The following SCHIP1 variants were observed in gnomAD, a reference collection of about 807,000 sequenced individuals.
SCHIP1 encodes schwannomin interacting protein 1, also known as schwannomin-interacting protein 1.
In SCHIP1, 8 loss-of-function variants were observed where a neutral mutation model predicts 29.7. The observed-to-expected ratio is 0.27, with a 90% CI of 0.16 to 0.49. SCHIP1 has a LOEUF of 0.49. Ranked by LOEUF, SCHIP1 falls within the 20% of genes least tolerant of loss-of-function variation. SCHIP1 has a pLI of 0.99. For missense variants in SCHIP1, 193 were observed against 294.6 expected (o/e 0.66, Z 2.52); for synonymous variants, 76 against 94.9 (o/e 0.80, Z 1.16).
the SCHIP1 span, among the ~76,000 whole-genome samples, chr3:159,302,670 G>A: frequency 6.6e-6 from 1 of 152,216 alleles, no homozygotes; most frequent in Non-Finnish European, 1.5e-5. Context: ...ATTTGTGTGT[G>A]CATAATGTTG....
At chr3:159,353,175 G>T in the SCHIP1 span, among the ~76,000 whole-genome samples, 1 of 152,112 alleles carries the variant, frequency 6.6e-6, no homozygotes, top group Non-Finnish European at 1.5e-5. Context: ...AAGCACAAAG[G>T]AGGGGAGGGA....
the SCHIP1 span, among the ~76,000 whole-genome samples, chr3:159,647,009 G>A: frequency 1.3e-4 from 20 of 152,204 alleles, no homozygotes; most frequent in African/African-American, 4.8e-4. Context: ...CTAAGGATTG[G>A]AAGATAATGG....
At chr3:159,685,775 T>C in the SCHIP1 span, among the ~76,000 whole-genome samples, 1 of 152,392 alleles carries the variant, frequency 6.6e-6, no homozygotes, top group East Asian at 1.9e-4. Flanking sequence ...AAATGACTTC[T>C]GATGTCCAGC....
At chr3:159,281,888 C>T in the SCHIP1 span, among the ~76,000 whole-genome samples, 1 of 152,132 alleles carries the variant, frequency 6.6e-6, no homozygotes, top group Admixed American at 6.5e-5. Flanking sequence ...CAGTGAATTT[C>T]CTTGGAGATT....
At chr3:159,312,396 A>T in the SCHIP1 span, among the ~76,000 whole-genome samples, 2 of 152,182 alleles carry the variant, frequency 1.3e-5, no homozygotes, top group Non-Finnish European at 1.5e-5. Context: ...AGGAAGCCTT[A>T]GGTTAAAAAC....
chr3:159,350,566 C>A, the SCHIP1 span, among the ~76,000 whole-genome samples: 1 of 151,818 alleles, frequency 6.6e-6, no homozygotes, highest in African/African-American at 2.4e-5. Flanking sequence ...TTTCAATGAA[C>A]TTGATATTTT....
At chr3:159,673,687 G>A in the SCHIP1 span, among the ~76,000 whole-genome samples, 1 of 152,218 alleles carries the variant, frequency 6.6e-6, no homozygotes, top group African/African-American at 2.4e-5. Flanking sequence ...AAATGCGTAA[G>A]CCAGCTTGCC....
chr3:159,442,434 C>T, the SCHIP1 span, among the ~76,000 whole-genome samples: 26,178 of 152,078 alleles, frequency 0.17, 2,459 homozygotes, highest in South Asian at 0.32. Flanking sequence ...GAGGATGACA[C>T]CCAGCTGGCT....
the SCHIP1 span, among the ~76,000 whole-genome samples, chr3:159,506,930 C>T: frequency 6.6e-6 from 1 of 151,974 alleles, no homozygotes; most frequent in Non-Finnish European, 1.5e-5. Flanking sequence ...TTTGGCTTAG[C>T]ATTCTCCTGG....
chr3:159,495,145 A>G, the SCHIP1 span, among the ~76,000 whole-genome samples: 2 of 152,218 alleles, frequency 1.3e-5, no homozygotes, highest in African/African-American at 2.4e-5. Flanking sequence ...CCCACAGCCA[A>G]TATCATACTG....
the SCHIP1 span, among the ~76,000 whole-genome samples, chr3:159,667,757 G>T: frequency 6.6e-6 from 1 of 152,194 alleles, no homozygotes; most frequent in African/African-American, 2.4e-5. Flanking sequence ...TCAATTATTT[G>T]TCCACCTTTT....
At chr3:159,384,611 A>G in the SCHIP1 span, among the ~76,000 whole-genome samples, 2 of 151,894 alleles carry the variant, frequency 1.3e-5, no homozygotes, top group Non-Finnish European at 2.9e-5. Flanking sequence ...TATCAGGATG[A>G]TGCTGCCCTC....
At chr3:159,761,765 CA>C in the SCHIP1 span, among the ~76,000 whole-genome samples, 1 of 152,284 alleles carries the variant, frequency 6.6e-6, no homozygotes, top group South Asian at 2.1e-4. Context: ...TTTGAAATGC[CA>C]TGCATTTTTG....
the SCHIP1 span, among the ~76,000 whole-genome samples, chr3:159,445,087 G>A: frequency 1.3e-5 from 2 of 151,936 alleles, no homozygotes; most frequent in Non-Finnish European, 2.9e-5. Flanking sequence ...GAGTGAACAG[G>A]CAACCTACAA....
intron 1 of SCHIP1, among the ~76,000 whole-genome samples, chr3:159,854,549 C>T (rs1414729850): frequency 1.3e-5 from 2 of 152,174 alleles, no homozygotes; most frequent in Non-Finnish European, 2.9e-5. Context: ...ATCCCCAAGA[C>T]AGGAATGAGC....
the SCHIP1 span, among the ~76,000 whole-genome samples, chr3:159,689,210 T>C: frequency 6.6e-6 from 1 of 152,224 alleles, no homozygotes; most frequent in African/African-American, 2.4e-5. Flanking sequence ...TTTCACGATA[T>C]TGATTTTTCC....
intron 2 of SCHIP1, among the ~76,000 whole-genome samples, chr3:159,883,129 C>T (rs190075167): frequency 1.6e-3 from 240 of 152,256 alleles, no homozygotes; most frequent in Non-Finnish European, 2.9e-3. Flanking sequence ...GAAATGAAAT[C>T]GACAGGCAAG....
the SCHIP1 span, among the ~76,000 whole-genome samples, chr3:159,477,311 T>G: frequency 4.9e-4 from 74 of 152,294 alleles, no homozygotes; most frequent in African/African-American, 1.7e-3. Context: ...TGACAAGTAG[T>G]AAGATTGCTG....
intron 1 of SCHIP1, among the ~76,000 whole-genome samples, chr3:159,840,645 A>G (rs975247472): frequency 1.3e-5 from 2 of 152,180 alleles, no homozygotes; most frequent in African/African-American, 4.8e-5. Context: ...ATGTAAATAG[A>G]TAGTCGCGAT....
Sources: gnomAD v4.1 joint callset for allele counts (sites outside exome capture counted in the v4.1 genomes callset) on GRCh38, gnomAD v4.1.1 for gene constraint, MANE v1.5 for transcripts, NCBI Gene and HGNC (gene_info 2026-07-23, HGNC 2026-07-21) for gene names.